The following TMEM220 variants were observed in gnomAD, a reference collection of about 807,000 sequenced individuals.
TMEM220 encodes the protein transmembrane protein 220.
TMEM220 carries 21 observed loss-of-function variants against 21.7 expected under a neutral mutation model. The observed-to-expected ratio is 0.97, with a 90% CI of 0.69 to 1.39. The LOEUF (loss-of-function observed/expected upper bound fraction) is 1.39. TMEM220 is among the 40% of genes most tolerant of loss of function. TMEM220 has a pLI of 0.00. For missense variants in TMEM220, 191 were observed against 201.9 expected (o/e 0.95, Z 0.33); for synonymous variants, 80 against 73.6 (o/e 1.09, Z -0.45).
At chr17:10,712,315 A>G (rs2074859450), downstream of TMEM220, among the ~76,000 whole-genome samples, 1 of 152,210 alleles carries the variant, frequency 6.6e-6, no homozygotes, top group African/African-American at 2.4e-5. Flanking sequence ...TTCGTCTTGC[A>G]AGGACACTTG....
chr17:10,714,836 A>G lies in TMEM220; in HGVS notation c.*617T>C. 1 of 151,870 alleles carries G rather than the reference A, an allele frequency of 6.6e-6. No individual in the cohort carries two copies. The highest frequency in any genetic ancestry group is 1.5e-5 in the Non-Finnish European group (1 of 68,090). The allele number at this position is 151,870 out of a possible 1,614,324, so 9.4% of individuals were successfully genotyped here. Reference sequence around the variant, plus strand: ...CTTGGGAGGCTGAGGTAGGAGGATCACCTGAGCCCCGGGAGGTCAGGACTG... The same window carrying G: ...CTTGGGAGGCTGAGGTAGGAGGATCGCCTGAGCCCCGGGAGGTCAGGACTG... On this transcript the variant is annotated 3_prime_UTR_variant, in exon 6 of 6. Transcript: ENST00000341871.
chr17:10,728,370 A>G (rs1597535363), intron 2 of TMEM220, among the ~76,000 whole-genome samples: 4 of 142,448 alleles, frequency 2.8e-5, no homozygotes, highest in East Asian at 2.1e-4. Context: ...GTGCAGTGGC[A>G]CGATCTCAGC....
intron 5 of TMEM220, among the ~76,000 whole-genome samples, chr17:10,717,716 T>C (rs751954641): frequency 6.6e-5 from 10 of 152,224 alleles, no homozygotes; most frequent in African/African-American, 1.7e-4. Flanking sequence ...GAAGTATTTA[T>C]TGAAAGTTGG....
chr17:10,725,212 T>C (rs1438340550), intron 3 of TMEM220, 78 bp from the exon 4 acceptor site: 2 of 1,568,722 alleles, frequency 1.3e-6, no homozygotes, highest in Non-Finnish European at 1.7e-6. Context: ...TTGTATGTTT[T>C]GCCATAGTCT....
At chr17:10,711,303 A>G (rs1466862045), downstream of TMEM220, 3 of 666,590 alleles carry the variant, frequency 4.5e-6, no homozygotes. Context: ...CAGAAATGTT[A>G]TTTTGGATCA....
chr17:10,721,813 A>G (rs1022978843), intron 5 of TMEM220, among the ~76,000 whole-genome samples: 2 of 151,966 alleles, frequency 1.3e-5, no homozygotes, highest in Non-Finnish European at 2.9e-5. Flanking sequence ...AATTAAAAAT[A>G]TTCACAAAAA....
At chr17:10,719,040 T>G (rs2074956193) in intron 5 of TMEM220, among the ~76,000 whole-genome samples, 1 of 152,242 alleles carries the variant, frequency 6.6e-6, no homozygotes. Flanking sequence ...TCTTCTTAGC[T>G]CTGTCAATTT....
At chr17:10,722,621 T>G (rs2151476893) in intron 5 of TMEM220, among the ~76,000 whole-genome samples, 1 of 152,342 alleles carries the variant, frequency 6.6e-6, no homozygotes, top group African/African-American at 2.4e-5. Context: ...TTTCCAGCTT[T>G]TATGCCACTG....
rs1363320431 is a variant in TMEM220, at chr17:10,713,628, AAT to A, written c.*1823_*1824del. 1 of 152,170 alleles carries A rather than the reference AAT, an allele frequency of 6.6e-6. No homozygotes were observed. The highest frequency in any genetic ancestry group is 2.4e-5 in the African/African-American group (1 of 41,452). The allele number at this position is 152,170 out of a possible 1,614,324, so 9.4% of individuals were successfully genotyped here. On this transcript the variant is annotated 3_prime_UTR_variant, in exon 6 of 6. Coordinates refer to ENST00000341871, the MANE Select transcript of TMEM220 (RefSeq NM_001004313.3). ...ATAAAAGCCACAAATATGTAAGCAA[AAT>A]ATACACTGGAAAACTCAAATCCTTT...
intron 5 of TMEM220, among the ~76,000 whole-genome samples, chr17:10,718,883 C>T (rs1387988911): frequency 7.9e-5 from 12 of 152,148 alleles, no homozygotes; most frequent in Non-Finnish European, 1.5e-4. Flanking sequence ...ACTCAATGTG[C>T]ACTTGAAAAG....
intron 2 of TMEM220, among the ~76,000 whole-genome samples, chr17:10,726,998 G>C (rs535151195): frequency 2.2e-4 from 33 of 152,318 alleles, no homozygotes; most frequent in African/African-American, 7.7e-4. Flanking sequence ...GCTTATATCA[G>C]AAGATGTTAA....
Position 10,725,057 on chromosome 17 carries a change from G to A in TMEM220, c.241C>T (p.Leu81Phe). The change falls in exon 4 of 6, where the codon CTC becomes TTC. Residue 81 changes from leucine to phenylalanine, a missense_variant. By Grantham distance (22) the Leu-to-Phe change is conservative (BLOSUM62 0). Coordinates refer to ENST00000341871, the MANE Select transcript of TMEM220 (RefSeq NM_001004313.3). Reference sequence around the variant, plus strand: ...ATGTTCTGTTGTGTACGATGCAAGAGGTAGGACGCCAAGCCAACAGCCCAC... The same window carrying A: ...ATGTTCTGTTGTGTACGATGCAAGAAGTAGGACGCCAAGCCAACAGCCCAC... The part of the protein sequence containing the change: ...TVWAVGLASY[L>F]LHRTQQNILH... 6.2e-7 allele frequency: 1 copy of A among 1,614,118 alleles called. No homozygotes were observed. The highest frequency in any genetic ancestry group is 8.5e-7 in the Non-Finnish European group (1 of 1,180,034).
chr17:10,729,822 G>C lies in TMEM220; in HGVS notation c.30C>G (p.Asn10Lys). 1 of 1,397,014 alleles carries C rather than the reference G, an allele frequency of 7.2e-7. No individual in the cohort carries two copies. Among genetic ancestry groups the C allele is most frequent in the Non-Finnish European group, 9.4e-7 (1 of 1,067,386 alleles). The allele number at this position is 1,397,014 out of a possible 1,614,324, so 86.5% of individuals were successfully genotyped here. A position where few individuals can be genotyped will look rare whatever the true frequency, so the allele number is the denominator to read the frequency against. Residue 10 changes from asparagine (N) to lysine (K), a missense_variant, in exon 1 of 6, where the codon AAC (asparagine) becomes AAG (lysine). Physicochemically the swap from Asn to Lys is moderately conservative, Grantham distance 94 (BLOSUM62 0). Transcript: ENST00000341871. MAPALWRAC[N>K]GLMAAFFALA... is the part of the protein sequence containing the mutation. ...GCGCGAAGAAGGCGGCCATGAGTCCGTTGCAGGCCCGCCACAGCGCTGGCG... is the reference window on the plus strand; with the variant it reads ...GCGCGAAGAAGGCGGCCATGAGTCCCTTGCAGGCCCGCCACAGCGCTGGCG...
At chr17:10,727,947 G>A (rs1038454643) in intron 2 of TMEM220, among the ~76,000 whole-genome samples, 2 of 152,128 alleles carry the variant, frequency 1.3e-5, no homozygotes, top group Non-Finnish European at 2.9e-5. Flanking sequence ...GATCACCTGA[G>A]GTCGAGAGTT....
rs763018473 is a variant in TMEM220, at chr17:10,725,058, G to A, written c.240C>T (p.Tyr80=). ...TGTTCTGTTGTGTACGATGCAAGAGGTAGGACGCCAAGCCAACAGCCCACA... is the reference window on the plus strand; with the variant it reads ...TGTTCTGTTGTGTACGATGCAAGAGATAGGACGCCAAGCCAACAGCCCACA... ...CTVWAVGLAS[Y]LLHRTQQNIL... is the part of the protein sequence containing the mutation. The change falls in exon 4 of 6, where the codon TAC becomes TAT. Residue 80 remains tyrosine, a synonymous_variant. Transcript: ENST00000341871. 3.7e-6 allele frequency: 6 copies of A among 1,614,110 alleles called. No individual in the cohort carries two copies. The South Asian group carries it at 5.5e-5, about 15-fold the overall frequency.
At chr17:10,711,698 T>G (rs988708324), downstream of TMEM220, among the ~76,000 whole-genome samples, 27 of 152,222 alleles carry the variant, frequency 1.8e-4, no homozygotes, top group Admixed American at 1.8e-3. Flanking sequence ...CTCTTGGGAT[T>G]CATAGGACCA....
downstream of TMEM220, among the ~76,000 whole-genome samples, chr17:10,711,881 CA>C (rs2074856120): frequency 6.6e-6 from 1 of 152,186 alleles, no homozygotes; most frequent in African/African-American, 2.4e-5. Flanking sequence ...CATTAGATGG[CA>C]AATGGGGACT....
Position 10,713,651 on chromosome 17 carries a change from C to G in TMEM220, c.*1802G>C, listed in dbSNP as rs2074872860. 1 of 152,050 alleles carries G rather than the reference C, an allele frequency of 6.6e-6. No individual in the cohort carries two copies. The highest frequency in any genetic ancestry group is 2.4e-5 in the African/African-American group (1 of 41,418). The allele number at this position is 152,050 out of a possible 1,614,324, so 9.4% of individuals were successfully genotyped here. ...AAAATATACACTGGAAAACTCAAAT[C>G]CTTTATGTGTATTTTACTGACCCTT... On this transcript the variant is annotated 3_prime_UTR_variant, in exon 6 of 6. Coordinates refer to ENST00000341871, the MANE Select transcript of TMEM220 (RefSeq NM_001004313.3).
intron 4 of TMEM220, among the ~76,000 whole-genome samples, chr17:10,723,937 C>T (rs2075021035): frequency 6.6e-6 from 1 of 152,144 alleles, no homozygotes; most frequent in Non-Finnish European, 1.5e-5. Flanking sequence ...CCACTAGAAG[C>T]CCCAGGCTGA....
Sources: gnomAD v4.1 joint callset for allele counts (sites outside exome capture counted in the v4.1 genomes callset) on GRCh38, gnomAD v4.1.1 for gene constraint, MANE v1.5 for transcripts, NCBI Gene and HGNC (gene_info 2026-07-23, HGNC 2026-07-21) for gene names.